PSG5: variants seen among roughly 807,000 people sequenced by gnomAD.
The protein encoded by PSG5 is pregnancy-specific beta-1-glycoprotein 5.
In PSG5, 53 loss-of-function variants were observed where a neutral mutation model predicts 37.7. The ratio of observed to expected loss-of-function variants is 1.41; its 90% CI spans 1.13 to 1.77. The LOEUF (loss-of-function observed/expected upper bound fraction) is 1.77. Among genes scored for constraint, PSG5 ranks in the 40% most tolerant of loss-of-function variants. The pLI is 0.00. For synonymous variants in PSG5, 221 were observed against 155.4 expected (o/e 1.42, Z -3.14); for missense variants, 547 against 405.2 (o/e 1.35, Z -3.00).
intron 2 of PSG5, among the ~76,000 whole-genome samples, chr19:43,178,269 G>A (rs778573484): frequency 1.6e-4 from 25 of 151,566 alleles, no homozygotes; most frequent in Non-Finnish European, 2.8e-4. Flanking sequence ...TTCCATCAGT[G>A]GCTGAGTTAT....
At chr19:43,174,777 G>C in intron 4 of PSG5, 1 of 1,171,306 alleles carries the variant, frequency 8.5e-7, no homozygotes, top group Non-Finnish European at 1.1e-6. Flanking sequence ...CTCACCCAAG[G>C]GGCTTCCTCG....
chr19:43,179,214 G>A, intron 2 of PSG5: 3 of 1,504,300 alleles, frequency 2.0e-6, no homozygotes, highest in South Asian at 2.4e-5. Context: ...TCCTCCAAAG[G>A]CACTTTTCAA....
At chr19:43,186,310 T>C (rs367822971) in intron 1 of PSG5, 32 bp downstream of exon 1, 87 of 1,611,016 alleles carry the variant, frequency 5.4e-5, no homozygotes, top group African/African-American at 4.4e-4. Flanking sequence ...TTCTTCCTCC[T>C]CCTGTCCTCT....
At chr19:43,181,257 T>A (rs938747739) in intron 2 of PSG5, among the ~76,000 whole-genome samples, 2 of 151,660 alleles carry the variant, frequency 1.3e-5, no homozygotes, top group African/African-American at 4.9e-5. Flanking sequence ...TGTCCACAAC[T>A]ACAAAATTTA....
intron 3 of PSG5, 114 bp downstream of exon 3, chr19:43,175,756 T>C (rs1968994941): frequency 1.4e-5 from 21 of 1,545,562 alleles, no homozygotes; most frequent in South Asian, 2.5e-5. Context: ...CCAGCTCAGA[T>C]GTCCAGAAAT....
In PSG5 at chr19:43,172,638, T is replaced by G. The variant is rs190873018; in HGVS notation, c.965-2500A>C. Among the ~76,000 whole-genome samples, 139 of 151,568 alleles carry G rather than the reference T, an allele frequency of 9.2e-4. 2 individuals carry two copies. Among genetic ancestry groups the G allele is most frequent in the Non-Finnish European group, 1.6e-3 (107 of 67,870 alleles). ...AAAATAATTTCAATTTATATTAACA[T>G]CAAAAAGAATAAAATATTTAGGAAT... On this transcript the variant is annotated intron_variant, in intron 4 of 5. Transcript: ENST00000342951.
At chr19:43,175,614 C>T (rs1968992057) in intron 3 of PSG5, 145 bp from the exon 4 acceptor site, 1 of 1,429,680 alleles carries the variant, frequency 7.0e-7, no homozygotes, top group Non-Finnish European at 9.4e-7. Context: ...TGAGCCAAAG[C>T]CTGAGGTATT....
chr19:43,176,136 T>G lies in PSG5; in HGVS notation c.443A>C (p.Lys148Thr). The change falls in exon 3 of 6, where the codon AAG (lysine) becomes ACG (threonine). Residue 148 changes from lysine to threonine, a missense_variant. Transcript: ENST00000342951. ...FTFNLYLKLPKPYITINNSKP... is the reference protein window; with the variant it reads ...FTFNLYLKLPTPYITINNSKP... ...TGAGTTGTTGATGGTGATGTAGGGC[T>G]TGGGCAGCTTCACTGTGTGGATAAC... is the stretch of plus-strand genomic sequence containing the variant. 2 of 1,611,342 alleles carry G rather than the reference T, an allele frequency of 1.2e-6. No individual in the cohort carries two copies. The highest frequency in any genetic ancestry group is 2.7e-5 in the African/African-American group (2 of 74,546).
intron 4 of PSG5, chr19:43,174,732 A>G: frequency 9.4e-7 from 1 of 1,065,574 alleles, no homozygotes; most frequent in Non-Finnish European, 1.2e-6. Flanking sequence ...AGAAGCATGG[A>G]GCAGAGCAGG....
chr19:43,170,246 G>T, intron 4 of PSG5, 108 bp from the exon 5 acceptor site: 1 of 1,032,778 alleles, frequency 9.7e-7, no homozygotes, highest in Non-Finnish European at 1.4e-6. Flanking sequence ...GTTTCTTCAA[G>T]TACTACATTA....
intron 5 of PSG5, 100 bp downstream of exon 5, chr19:43,169,955 A>T (rs75994827): frequency 4.2e-5 from 29 of 696,780 alleles, no homozygotes; most frequent in Admixed American, 1.2e-4. Context: ...TGGAGGAAGG[A>T]GGAGATGCAG....
intron 2 of PSG5, among the ~76,000 whole-genome samples, chr19:43,183,699 TAAG>T (rs1969180942): frequency 6.6e-6 from 1 of 151,428 alleles, no homozygotes; most frequent in African/African-American, 2.4e-5. Context: ...TTTAGAAGCC[TAAG>T]AAGAGAGGAT....
rs766739165 is a variant in PSG5 at position 43,175,874 on chromosome 19, G to A, written c.705C>T (p.Val235=). Residue 235 remains valine, a synonymous_variant, in exon 3 of 6, where the codon GTC becomes GTT. Coordinates refer to ENST00000342951, the MANE Select transcript of PSG5 (RefSeq NM_002781.4). ...AGAGGAACAAAAGATACTCACAGAG[G>A]ACATTCAGGGTGACTGGGTCACTGC... ...GMRSDPVTLN[V]LYGPDLPSIY... The A allele has an allele frequency of 1.2e-6, 2 of 1,612,424 alleles. No individual in the cohort carries two copies. Among genetic ancestry groups the A allele is most frequent in the East Asian group, 2.2e-5 (1 of 44,868 alleles).
rs1361563643 is a variant in PSG5, at chr19:43,171,777, G to A, written c.965-1639C>T. The stretch of plus-strand genomic sequence containing the variant: ...TGAGACCAGGTGTTTGGACCAGCAT[G>A]GGTAACCTGGGGAGATGCTGTCTCT... On this transcript the variant is annotated intron_variant, in intron 4 of 5. Coordinates refer to ENST00000342951, the MANE Select transcript of PSG5 (RefSeq NM_002781.4). Among the ~76,000 whole-genome samples the A allele has an allele frequency of 4.6e-4, 69 of 151,418 alleles. 6 individuals carry two copies. Among genetic ancestry groups the A allele is most frequent in the East Asian group, 5.8e-4 (3 of 5,156 alleles).
intron 4 of PSG5, 103 bp from the exon 5 acceptor site, chr19:43,170,241 T>G (rs1968876421): frequency 9.3e-7 from 1 of 1,073,868 alleles, no homozygotes; most frequent in Admixed American, 2.1e-5. Flanking sequence ...TAATTGTTTC[T>G]TCAAGTACTA....
chr19:43,174,610 C>T lies in PSG5; in HGVS notation c.964+605G>A. ...TCCCTGCAGCCTGGCCCGGGGGAGG[C>T]TTGGCTTCAACTGGCAGCTCGATTT... is the stretch of plus-strand genomic sequence containing the variant. On this transcript the variant is annotated intron_variant, in intron 4 of 5. Coordinates refer to ENST00000342951, the MANE Select transcript of PSG5 (RefSeq NM_002781.4). 3.1e-6 allele frequency: 3 copies of T among 973,458 alleles called. 1 individual carries two copies. The highest frequency in any genetic ancestry group is 3.7e-6 in the Non-Finnish European group (3 of 817,510). The allele number at this position is 973,458 out of a possible 1,614,324, so 60.3% of individuals were successfully genotyped here.
intron 2 of PSG5, 151 bp from the exon 3 acceptor site, chr19:43,176,299 G>A: frequency 7.2e-7 from 1 of 1,394,714 alleles, no homozygotes; most frequent in Non-Finnish European, 9.7e-7. Context: ...ATAGATGCAT[G>A]ATGATCTAAG....
rs376144341 is a variant in PSG5 at position 43,170,056 on chromosome 19, T to G, written c.*39A>C. 2.4e-4 allele frequency: 358 copies of G among 1,518,702 alleles called. 5 individuals carry two copies. The highest frequency in any genetic ancestry group is 2.0e-4 in the Non-Finnish European group (219 of 1,102,958). The allele number at this position is 1,518,702 out of a possible 1,614,324, so 94.1% of individuals were successfully genotyped here. A position where few individuals can be genotyped will look rare whatever the true frequency, so the allele number is the denominator to read the frequency against. On this transcript the variant is annotated splice_region_variant and 3_prime_UTR_variant, in exon 5 of 6. Transcript: ENST00000342951. ...GGATAAGAGAAAAGGCCATCATACC[T>G]GCCAGTCTTCCTGAAATACAGAAAT...
chr19:43,184,243 G>T (rs1352889217), intron 2 of PSG5, among the ~76,000 whole-genome samples: 1 of 151,746 alleles, frequency 6.6e-6, no homozygotes, highest in African/African-American at 2.4e-5. Context: ...TGAGGGCTGA[G>T]CCCTGGCTGG....
Sources: allele counts gnomAD v4.1 joint callset (sites outside exome capture counted in the v4.1 genomes callset), GRCh38; gene constraint gnomAD v4.1.1; transcripts MANE v1.5; gene names NCBI Gene and HGNC (gene_info 2026-07-23, HGNC 2026-07-21).